SPIC: variants seen among roughly 807,000 people sequenced by gnomAD.
SPIC encodes the protein Spi-C transcription factor, also known as transcription factor Spi-C.
In SPIC, 9 loss-of-function variants were observed where a neutral mutation model predicts 16.7. The ratio of observed to expected loss-of-function variants is 0.54; its 90% CI spans 0.33 to 0.94. SPIC has a LOEUF of 0.94. Among genes scored for constraint, SPIC ranks in the 40% least tolerant of loss-of-function variants. The pLI is 0.03. For synonymous variants in SPIC, 97 were observed against 102.9 expected, an observed-to-expected ratio of 0.94 and a Z score of 0.35; for missense variants, 241 against 285.8, an observed-to-expected ratio of 0.84 and a Z score of 1.13.
chr12:101,486,571 A>C lies in SPIC; in HGVS notation c.547A>C (p.Thr183Pro). The change falls in exon 6 of 6, where the codon ACC becomes CCC. Residue 183 changes from threonine (T) to proline (P), a missense_variant. Thr to Pro is a conservative substitution (Grantham distance 38). Transcript: ENST00000551346. The stretch of plus-strand genomic sequence containing the variant: ...AAATTACGGAAGAAGTGGGGAAATT[A>C]CCAAAATCCGGAGGAAGCTGACTTA... Reference protein sequence around the residue: ...LRNYGRSGEITKIRRKLTYQF... With the variant: ...LRNYGRSGEIPKIRRKLTYQF... 6.2e-7 allele frequency: 1 copy of C among 1,614,174 alleles called. No individual in the cohort carries two copies. Among genetic ancestry groups the C allele is most frequent in the Non-Finnish European group, 8.5e-7 (1 of 1,180,022 alleles).
chr12:101,481,832 T>C (rs1873207639), intron 4 of SPIC, among the ~76,000 whole-genome samples: 2 of 150,500 alleles, frequency 1.3e-5, no homozygotes, highest in South Asian at 4.2e-4. Flanking sequence ...TTTGTACTTT[T>C]AGTAGAGACG....
intron 4 of SPIC, among the ~76,000 whole-genome samples, 154 bp downstream of exon 4, chr12:101,479,848 G>C (rs1332161928): frequency 4.8e-5 from 7 of 147,224 alleles, no homozygotes; most frequent in Non-Finnish European, 1.0e-4. Flanking sequence ...ATGGAGTCTG[G>C]CTCTGTCACC....
At position 101,486,723 on chromosome 12, in the gene SPIC, T is replaced by C. The variant is rs768807041; in HGVS notation, c.699T>C (p.Tyr233=). The C allele has an allele frequency of 1.2e-6, 2 of 1,600,448 alleles. No individual in the cohort carries two copies. The highest frequency in any genetic ancestry group is 1.3e-5 in the African/African-American group (1 of 74,552). ...GTTTAAATAACTGGAATGCAAATTA[T>C]AATTATACATATGCCAATTACCATG... is the stretch of plus-strand genomic sequence containing the variant. ...YLSLNNWNAN[Y]NYTYANYHEL... The change falls in exon 6 of 6, where the codon TAT becomes TAC. Residue 233 remains tyrosine (Y), a synonymous_variant. Transcript: ENST00000551346.
At chr12:101,485,993 G>A (rs1173501400) in intron 5 of SPIC, among the ~76,000 whole-genome samples, 1 of 152,100 alleles carries the variant, frequency 6.6e-6, no homozygotes, top group African/African-American at 2.4e-5. Context: ...TAGTAGAGAC[G>A]GGATTTCACC....
intron 3 of SPIC, 81 bp from the exon 4 acceptor site, chr12:101,479,501 A>T: frequency 1.9e-6 from 2 of 1,025,788 alleles, no homozygotes; most frequent in East Asian, 2.6e-5. Context: ...TGCATCTATA[A>T]GTGCATATAT....
chr12:101,482,976 A>G (rs1873255348), intron 5 of SPIC, 76 bp downstream of exon 5: 2 of 1,341,092 alleles, frequency 1.5e-6, no homozygotes, highest in Admixed American at 2.1e-5. Context: ...GGATTTTATA[A>G]CTGAGTTTGG....
At chr12:101,478,675 A>G (rs547484461) in intron 3 of SPIC, among the ~76,000 whole-genome samples, 4 of 152,338 alleles carry the variant, frequency 2.6e-5, no homozygotes, top group Non-Finnish European at 4.4e-5. Flanking sequence ...AATTGTTCCA[A>G]TGAATCTTAT....
rs373100839 is a variant in SPIC, at chr12:101,479,712, C to T, written c.210+18C>T. 1.3e-6 allele frequency: 2 copies of T among 1,566,648 alleles called. No homozygotes were observed. The highest frequency in any genetic ancestry group is 1.4e-5 in the African/African-American group (1 of 73,884). ...CGGTAATTGTAAGTATCAGACCATC[C>T]CTTAATAACAGGCAAATATCCTATT... On this transcript the variant is annotated intron_variant, in intron 4 of 5. Transcript: ENST00000551346.
chr12:101,477,711 C>T (rs1191685703), intron 3 of SPIC, 60 bp downstream of exon 3: 14 of 1,401,794 alleles, frequency 1.0e-5, no homozygotes, highest in African/African-American at 1.4e-5. Flanking sequence ...TGGTCACATA[C>T]ACATATAAGA....
At chr12:101,478,019 C>CT (rs1486976416) in intron 3 of SPIC, among the ~76,000 whole-genome samples, 9 of 149,426 alleles carry the variant, frequency 6.0e-5, no homozygotes. Context: ...CCTTTTTTTT[C>CT]TTTTTTCTTT....
At chr12:101,479,300 GA>G in intron 3 of SPIC, among the ~76,000 whole-genome samples, 1 of 76,884 alleles carries the variant, frequency 1.3e-5, no homozygotes, top group African/African-American at 7.4e-5. Context: ...AAGAAAGAAA[GA>G]AAGAAAAAAG....
chr12:101,482,858 C>A lies in SPIC; in HGVS notation c.277C>A (p.Gln93Lys), dbSNP rs374824548. 3.6e-5 allele frequency: 58 copies of A among 1,614,038 alleles called. No homozygotes were observed. The South Asian group carries it at 3.7e-4, about 10-fold the overall frequency. ...ATCTCTGCAGAACATAACTGAAAAC[C>A]AGCTGGTACAACCCACTCTTCTCCA... ...HQSLQNITEN[Q>K]LVQPTLLQQK... is the part of the protein sequence containing the mutation. The change falls in exon 5 of 6, where the codon CAG (glutamine) becomes AAG (lysine). Residue 93 changes from glutamine to lysine, a missense_variant. Physicochemically the swap from Gln to Lys is moderately conservative, Grantham distance 53. Transcript: ENST00000551346.
At position 101,484,542 on chromosome 12, in the gene SPIC, T is replaced by A. The variant is rs184054277; in HGVS notation, c.319+1642T>A. On this transcript the variant is annotated intron_variant, in intron 5 of 5. Transcript: ENST00000551346. ...CAGAGTGAGACTCCAACTCAAAAAA[T>A]AATAATAATAAATAAAATAAAGAAA... Among the ~76,000 whole-genome samples, 313 of 146,596 alleles carry A rather than the reference T, an allele frequency of 2.1e-3. 1 individual carries two copies. Among genetic ancestry groups the A allele is most frequent in the Non-Finnish European group, 3.7e-3 (245 of 66,426 alleles).
intron 4 of SPIC, 145 bp from the exon 5 acceptor site, chr12:101,482,647 G>C (rs183311200): frequency 2.1e-5 from 15 of 701,080 alleles, no homozygotes; most frequent in African/African-American, 2.1e-4. Context: ...TGCTGCCCTG[G>C]GAGCTATCTG....
intron 3 of SPIC, among the ~76,000 whole-genome samples, chr12:101,479,257 G>A (rs5023426): frequency 0.19 from 16,421 of 84,934 alleles, 2,508 homozygotes; most frequent in African/African-American, 0.37. Context: ...AAAGAAAGAA[G>A]GAAGGAAAGA....
Position 101,475,384 on chromosome 12 carries a change from T to C in SPIC, c.-196T>C, listed in dbSNP as rs936992980. The C allele has an allele frequency of 3.9e-5, 6 of 152,168 alleles. No individual in the cohort carries two copies. The highest frequency in any genetic ancestry group is 1.4e-4 in the African/African-American group (6 of 41,434). The allele number at this position is 152,168 out of a possible 1,614,324, so 9.4% of individuals were successfully genotyped here. ...AATTTTTAAAAAAAATATTACTATT[T>C]TTTTTCATCAGAGCCATTGCACTGG... is the stretch of plus-strand genomic sequence containing the variant. On this transcript the variant is annotated 5_prime_UTR_variant, in exon 1 of 6. Transcript: ENST00000551346.
chr12:101,478,033 C>CTTT (rs71091502), intron 3 of SPIC, among the ~76,000 whole-genome samples: 2 of 137,710 alleles, frequency 1.5e-5, no homozygotes, highest in South Asian at 2.3e-4. Context: ...TTTCTTTTTT[C>CTTT]TTTTTTTTTT....
chr12:101,485,847 G>T (rs1873347721), intron 5 of SPIC, among the ~76,000 whole-genome samples: 1 of 152,146 alleles, frequency 6.6e-6, no homozygotes, highest in Non-Finnish European at 1.5e-5. Flanking sequence ...GCAGTGGCGC[G>T]ATCTCGGCTC....
chr12:101,486,344 G>T lies in SPIC; in HGVS notation c.320G>T (p.Gly107Val). The T allele has an allele frequency of 3.1e-6, 5 of 1,598,718 alleles. No individual in the cohort carries two copies. Among genetic ancestry groups the T allele is most frequent in the Non-Finnish European group, 4.3e-6 (5 of 1,172,778 alleles). ...PTLLQQKGGK[G>V]RKKLRLFEYL... ...TTGACCTTGTTTCCCTTCATTTTAG[G>T]CAGGAAGAAGCTCCGACTGTTTGAA... Residue 107 changes from glycine (G) to valine (V), a missense_variant and splice_region_variant, in exon 6 of 6, where the codon GGC becomes GTC. Physicochemically the swap from Gly to Val is moderately radical, Grantham distance 109. Coordinates refer to ENST00000551346, the MANE Select transcript of SPIC (RefSeq NM_152323.3).
Sources: allele counts gnomAD v4.1 joint callset (sites outside exome capture counted in the v4.1 genomes callset), GRCh38; gene constraint gnomAD v4.1.1; transcripts MANE v1.5; gene names NCBI Gene and HGNC (gene_info 2026-07-23, HGNC 2026-07-21).